FBXL17: variants seen among roughly 807,000 people sequenced by gnomAD.
The protein encoded by FBXL17 is F-box and leucine rich repeat protein 17.
FBXL17 carries 22 observed loss-of-function variants against 66.2 expected under a neutral mutation model. That is an observed-to-expected ratio of 0.33 (90% CI 0.24 to 0.47). The LOEUF (loss-of-function observed/expected upper bound fraction) is 0.47. FBXL17 is among the 20% of genes least tolerant of loss of function. The pLI, the probability that FBXL17 is intolerant of heterozygous loss-of-function variation, is 1.00. For synonymous variants in FBXL17, 474 were observed against 400.5 expected, an observed-to-expected ratio of 1.18 and a Z score of -2.19; for missense variants, 878 against 948.2, an observed-to-expected ratio of 0.93 and a Z score of 0.97.
chr5:108,002,956 A>G (rs558160805), intron 7 of FBXL17, among the ~76,000 whole-genome samples: 1 of 152,238 alleles, frequency 6.6e-6, no homozygotes, highest in African/African-American at 2.4e-5. Flanking sequence ...GGAGTGAAAG[A>G]AAGTTTTAAA....
intron 7 of FBXL17, among the ~76,000 whole-genome samples, chr5:107,912,641 A>G (rs1056795742): frequency 6.6e-6 from 1 of 152,196 alleles, no homozygotes; most frequent in African/African-American, 2.4e-5. Context: ...ACATATAAAT[A>G]TGTATAAAAT....
At chr5:108,179,756 GT>G (rs1289745622) in intron 6 of FBXL17, among the ~76,000 whole-genome samples, 2 of 152,176 alleles carry the variant, frequency 1.3e-5, no homozygotes, top group Non-Finnish European at 2.9e-5. Context: ...ACTTCCACCT[GT>G]TGACTAACAT....
At chr5:108,186,270 A>G in intron 5 of FBXL17, 23 bp from the exon 6 acceptor site, 1 of 1,602,458 alleles carries the variant, frequency 6.2e-7, no homozygotes, top group Non-Finnish European at 8.5e-7. Flanking sequence ...ATAAAATGAA[A>G]GATGAAAAAG....
intron 6 of FBXL17, among the ~76,000 whole-genome samples, chr5:108,146,598 A>G (rs1230002328): frequency 6.6e-6 from 1 of 152,224 alleles, no homozygotes. Flanking sequence ...TATAACAAAC[A>G]GGCTTTTAAG....
chr5:107,983,358 A>AT (rs994065694), intron 7 of FBXL17, among the ~76,000 whole-genome samples: 38 of 147,942 alleles, frequency 2.6e-4, no homozygotes, highest in East Asian at 6.0e-4. Context: ...TGCCCAGCTA[A>AT]TTTTTTTTTT....
intron 6 of FBXL17, among the ~76,000 whole-genome samples, chr5:108,052,296 A>G (rs1340229449): frequency 6.6e-6 from 1 of 152,146 alleles, no homozygotes; most frequent in Non-Finnish European, 1.5e-5. Flanking sequence ...ATGACTCTAT[A>G]CTGAGAAAAC....
chr5:108,239,040 T>C (rs1157326279), intron 4 of FBXL17, among the ~76,000 whole-genome samples: 1 of 152,094 alleles, frequency 6.6e-6, no homozygotes, highest in Non-Finnish European at 1.5e-5. Flanking sequence ...TAAGAACTTA[T>C]ATGTACTAAT....
intron 6 of FBXL17, among the ~76,000 whole-genome samples, chr5:108,173,592 A>G (rs1215193272): frequency 6.6e-6 from 1 of 152,208 alleles, no homozygotes; most frequent in Non-Finnish European, 1.5e-5. Context: ...GCAGAGCCAC[A>G]GTCTTTAATA....
intron 8 of FBXL17, among the ~76,000 whole-genome samples, chr5:107,872,899 T>C (rs929247695): frequency 6.6e-6 from 1 of 152,108 alleles, no homozygotes; most frequent in African/African-American, 2.4e-5. Context: ...TCTGGTGAAA[T>C]GGAAGACAAG....
intron 7 of FBXL17, among the ~76,000 whole-genome samples, chr5:107,891,287 G>C (rs943761635): frequency 1.1e-4 from 16 of 152,164 alleles, no homozygotes; most frequent in African/African-American, 3.6e-4. Context: ...TAATGGAAAA[G>C]AGGGTGGAAA....
intron 4 of FBXL17, among the ~76,000 whole-genome samples, chr5:108,237,729 GAGGCTATGGATGCA>G (rs1282937883): frequency 2.0e-5 from 3 of 152,040 alleles, no homozygotes; most frequent in Non-Finnish European, 4.4e-5. Context: ...GGCTGGCCAG[GAGGCTATGGATGCA>G]ACAAGCCCCA....
chr5:107,869,123 T>C (rs1329592418), intron 8 of FBXL17, among the ~76,000 whole-genome samples: 2 of 152,176 alleles, frequency 1.3e-5, no homozygotes, highest in African/African-American at 4.8e-5. Flanking sequence ...ATTCAGGGCT[T>C]GGGACTTCAC....
At chr5:108,134,903 G>A (rs919542469) in intron 6 of FBXL17, among the ~76,000 whole-genome samples, 3 of 152,056 alleles carry the variant, frequency 2.0e-5, no homozygotes, top group Non-Finnish European at 2.9e-5. Flanking sequence ...GACAAAAACA[G>A]CTGCTATGGA....
At chr5:108,375,747 A>C (rs1051695818) in intron 1 of FBXL17, among the ~76,000 whole-genome samples, 1 of 152,244 alleles carries the variant, frequency 6.6e-6, no homozygotes, top group Non-Finnish European at 1.5e-5. Context: ...AAATGAGAGG[A>C]TGGGATACTA....
At chr5:108,077,620 A>T (rs1364028534) in intron 6 of FBXL17, among the ~76,000 whole-genome samples, 1 of 151,604 alleles carries the variant, frequency 6.6e-6, no homozygotes, top group East Asian at 1.9e-4. Context: ...CCATGTTCAT[A>T]CCACTGCACT....
At position 107,980,664 on chromosome 5, in the gene FBXL17, A is replaced by ATTTTTT. The variant is rs57472813; in HGVS notation, c.1822+40255_1822+40260dup. ...TAAAATAATATATATATATATATATATTTTTTTTTTGAGATGGAGTCTTGC... is the reference window on the plus strand; with the variant it reads ...TAAAATAATATATATATATATATATATTTTTTTTTTTTTTTTGAGATGGAGTCTTGC... On this transcript the variant is annotated intron_variant, in intron 7 of 8. Transcript: ENST00000542267. Among the ~76,000 whole-genome samples, 56 of 61,888 alleles carry ATTTTTT rather than the reference A, an allele frequency of 9.0e-4. 3 individuals are homozygous for ATTTTTT. Among genetic ancestry groups the ATTTTTT allele is most frequent in the South Asian group, 4.9e-3 (8 of 1,622 alleles). The allele number at this position is 61,888 out of a possible 152,430, so 40.6% of individuals were successfully genotyped here.
At chr5:108,247,120 G>A (rs1203295408) in intron 4 of FBXL17, among the ~76,000 whole-genome samples, 1 of 152,120 alleles carries the variant, frequency 6.6e-6, no homozygotes, top group Non-Finnish European at 1.5e-5. Flanking sequence ...GTGATGGTGG[G>A]ATAATGTGCA....
At chr5:108,011,435 C>A (rs890578382) in intron 7 of FBXL17, among the ~76,000 whole-genome samples, 2 of 152,122 alleles carry the variant, frequency 1.3e-5, no homozygotes, top group Admixed American at 1.3e-4. Context: ...GTAGGTAGAA[C>A]ACAAAGCCAC....
At chr5:108,173,788 AT>A (rs1419823198) in intron 6 of FBXL17, among the ~76,000 whole-genome samples, 2 of 152,198 alleles carry the variant, frequency 1.3e-5, no homozygotes, top group African/African-American at 4.8e-5. Flanking sequence ...GTATTTCTAC[AT>A]TTCCTAACAA....
Sources: gnomAD v4.1 joint callset for allele counts (sites outside exome capture counted in the v4.1 genomes callset) on GRCh38, gnomAD v4.1.1 for gene constraint, MANE v1.5 for transcripts, NCBI Gene and HGNC (gene_info 2026-07-23, HGNC 2026-07-21) for gene names.